Variants in SLC35F3 observed in about 807,000 individuals in gnomAD.
SLC35F3 encodes the protein solute carrier family 35 member F3.
A neutral mutation model predicts 49.9 loss-of-function variants in SLC35F3; 25 were observed. The observed-to-expected ratio is 0.50, with a 90% confidence interval of 0.37 to 0.70. The LOEUF is 0.70. Among genes scored for constraint, SLC35F3 ranks in the 30% least tolerant of loss-of-function variants. The pLI is 0.00. For synonymous variants in SLC35F3, 275 were observed against 265.4 expected, an observed-to-expected ratio of 1.04 and a Z score of -0.35; for missense variants, 525 against 639.8, an observed-to-expected ratio of 0.82 and a Z score of 1.94.
chr1:234,323,073 G>A lies in SLC35F3; in HGVS notation c.1303G>A (p.Gly435Ser), dbSNP rs1245011305. 1.9e-6 allele frequency: 3 copies of A among 1,614,050 alleles called. No individual in the cohort carries two copies. Among genetic ancestry groups the A allele is most frequent in the East Asian group, 4.5e-5 (2 of 44,882 alleles). The change falls in exon 8 of 8, where the codon GGC (glycine) becomes AGC (serine). Residue 435 changes from glycine to serine, a missense_variant. Gly to Ser is a moderately conservative substitution (Grantham distance 56). This residue lies in a region of SLC35F3 where 76 missense variants were observed against 95.6 expected (regional missense o/e 0.80). Transcript: ENST00000366618. This position sits in a 1 kb window ranked among gnomAD's most constrained non-coding sequence, Gnocchi z 4.5. ...GVRVIAIIIIGLGFLLLLLPE... is the reference protein window; with the variant it reads ...GVRVIAIIIISLGFLLLLLPE... ...CCGGGTCATCGCCATCATCATCATC[G>A]GCCTGGGTTTTCTCCTCCTGCTCCT...
At chr1:234,112,431 C>G (rs1665420844) in intron 2 of SLC35F3, among the ~76,000 whole-genome samples, 1 of 152,132 alleles carries the variant, frequency 6.6e-6, no homozygotes, top group Non-Finnish European at 1.5e-5. Flanking sequence ...GTCCTTTTCT[C>G]TCATGTGACT....
intron 3 of SLC35F3, among the ~76,000 whole-genome samples, chr1:234,296,101 G>A (rs1433813525): frequency 2.0e-5 from 3 of 152,186 alleles, no homozygotes; most frequent in Admixed American, 6.5e-5. Flanking sequence ...TTATTTTCTG[G>A]TACCTGTTGA....
intron 2 of SLC35F3, among the ~76,000 whole-genome samples, chr1:234,189,219 G>A (rs1319066502): frequency 2.0e-5 from 3 of 151,934 alleles, no homozygotes; most frequent in Non-Finnish European, 4.4e-5. Context: ...ACCAAGAAAT[G>A]CTTGAATTGC....
intron 2 of SLC35F3, among the ~76,000 whole-genome samples, chr1:233,925,191 T>C (rs1662136533): frequency 2.0e-5 from 3 of 152,132 alleles, no homozygotes; most frequent in Admixed American, 6.6e-5. Context: ...ATATCCTTGT[T>C]AACTTTCTGT....
Position 234,193,832 on chromosome 1 carries a change from A to T in SLC35F3, c.284-37585A>T, listed in dbSNP as rs12063154. 1.9e-3 allele frequency among the ~76,000 whole-genome samples: 282 copies of T among 152,336 alleles called. 3 individuals carry two copies. The highest frequency in any genetic ancestry group is 6.3e-3 in the African/African-American group (263 of 41,574). On this transcript the variant is annotated intron_variant, in intron 2 of 7. Transcript: ENST00000366618. ...AAGAAGATATACAAATGGCCAACAA[A>T]CATATGAAAAAATGCTCAACATCAC... is the stretch of plus-strand genomic sequence containing the variant.
At chr1:234,314,888 C>T (rs1182244909) in intron 4 of SLC35F3, among the ~76,000 whole-genome samples, 1 of 152,180 alleles carries the variant, frequency 6.6e-6, no homozygotes, top group African/African-American at 2.4e-5. Context: ...GATGCCTGCC[C>T]GGTTTGGCGT....
chr1:234,094,326 G>A (rs1665087302), intron 2 of SLC35F3, among the ~76,000 whole-genome samples: 1 of 152,224 alleles, frequency 6.6e-6, no homozygotes, highest in African/African-American at 2.4e-5. Context: ...ACCGGAACTA[G>A]TAGGAAATTG....
chr1:234,108,771 A>C (rs1405556533), intron 2 of SLC35F3, among the ~76,000 whole-genome samples: 1 of 92,510 alleles, frequency 1.1e-5, no homozygotes, highest in Non-Finnish European at 2.0e-5. Flanking sequence ...AAATATATAT[A>C]TCTTTTATAT....
intron 2 of SLC35F3, among the ~76,000 whole-genome samples, chr1:234,188,003 C>T (rs567519889): frequency 1.3e-5 from 2 of 152,030 alleles, no homozygotes; most frequent in Non-Finnish European, 2.9e-5. Context: ...TTTGGGAGGC[C>T]GAGGCGGGCG....
intron 2 of SLC35F3, among the ~76,000 whole-genome samples, chr1:234,184,029 T>C (rs1666598271): frequency 6.6e-6 from 1 of 152,192 alleles, no homozygotes; most frequent in African/African-American, 2.4e-5. Context: ...CAAATTCACA[T>C]TGGTTACTTT....
At chr1:234,173,808 G>A (rs1312879179) in intron 2 of SLC35F3, among the ~76,000 whole-genome samples, 1 of 152,212 alleles carries the variant, frequency 6.6e-6, no homozygotes, top group Non-Finnish European at 1.5e-5. Context: ...TGGGAGAGAA[G>A]GGAAGCATTG....
chr1:234,085,043 G>A (rs1012385322), intron 2 of SLC35F3, among the ~76,000 whole-genome samples: 1 of 152,216 alleles, frequency 6.6e-6, no homozygotes, highest in African/African-American at 2.4e-5. Context: ...ACAAAAGGCT[G>A]TGTATTGTAT....
At chr1:233,971,383 G>A (rs1224315166) in intron 2 of SLC35F3, among the ~76,000 whole-genome samples, 1 of 152,214 alleles carries the variant, frequency 6.6e-6, no homozygotes, top group African/African-American at 2.4e-5. Context: ...GGAAAAAACT[G>A]CTCTTCAGGT....
intron 3 of SLC35F3, among the ~76,000 whole-genome samples, chr1:234,275,761 A>ATAT (rs201588632): frequency 3.9e-4 from 54 of 137,324 alleles, no homozygotes; most frequent in African/African-American, 9.4e-4. Flanking sequence ...TGAAAAAAAA[A>ATAT]AAATATATAT....
intron 4 of SLC35F3, among the ~76,000 whole-genome samples, chr1:234,315,874 T>G (rs1010751896): frequency 6.6e-6 from 1 of 152,234 alleles, no homozygotes; most frequent in African/African-American, 2.4e-5. Flanking sequence ...CCAGATGGTT[T>G]ATCTCCTATT....
intron 2 of SLC35F3, among the ~76,000 whole-genome samples, chr1:233,962,205 T>G (rs1431313775): frequency 1.3e-5 from 2 of 152,242 alleles, no homozygotes; most frequent in African/African-American, 4.8e-5. Context: ...GACCTACCAT[T>G]TATATAATAT....
intron 3 of SLC35F3, among the ~76,000 whole-genome samples, chr1:234,233,851 TTTG>T (rs908914569): frequency 1.3e-5 from 2 of 152,186 alleles, no homozygotes; most frequent in African/African-American, 4.8e-5. Context: ...GTTGTTTTGT[TTTG>T]TTTTGTTTTT....
intron 2 of SLC35F3, among the ~76,000 whole-genome samples, chr1:234,211,988 G>T (rs963909200): frequency 1.3e-5 from 2 of 152,152 alleles, no homozygotes; most frequent in Non-Finnish European, 2.9e-5. Flanking sequence ...TTCCCATGCT[G>T]CTCTCATGAT....
chr1:233,956,232 C>T (rs556901939), intron 2 of SLC35F3, among the ~76,000 whole-genome samples: 1 of 152,252 alleles, frequency 6.6e-6, no homozygotes, highest in East Asian at 1.9e-4. Context: ...TTGAGTGTGA[C>T]TTCTCCTATT....
Sources: gnomAD v4.1 joint callset for allele counts (sites outside exome capture counted in the v4.1 genomes callset) on GRCh38, gnomAD v4.1.1 for gene constraint, gnomAD v4.1.1 regional missense constraint, Gnocchi (gnomAD v3.1) non-coding constraint, MANE v1.5 for transcripts, NCBI Gene and HGNC (gene_info 2026-07-23, HGNC 2026-07-21) for gene names.